Variants in PNMA6E observed in about 807,000 individuals in gnomAD.
PNMA6E encodes paraneoplastic antigen Ma6E.
For missense variants in PNMA6E, 78 were observed against 50.8 expected (o/e 1.53, Z -1.63); for synonymous variants, 43 against 17.1 (o/e 2.52, Z -3.74).
the PNMA6E span, among the ~76,000 whole-genome samples, chrX:153,410,950 C>T: frequency 8.9e-6 from 1 of 111,982 alleles, no homozygotes; most frequent in East Asian, 2.8e-4. Context: ...GTGCGATCCC[C>T]TCCGGTAACC....
the PNMA6E span, among the ~76,000 whole-genome samples, chrX:153,412,881 C>T: frequency 8.9e-6 from 1 of 112,158 alleles, no homozygotes; most frequent in Non-Finnish European, 1.9e-5. Flanking sequence ...CCTGGGTGGC[C>T]CCCTTTTGGC....
At chrX:153,400,531 T>C (rs1175681516) in intron 1 of PNMA6E, among the ~76,000 whole-genome samples, 1 of 112,004 alleles carries the variant, frequency 8.9e-6, no homozygotes, top group Non-Finnish European at 1.9e-5. Flanking sequence ...CCTCCCTCTG[T>C]GGCCTCCCCA....
Position 153,397,698 on chromosome X carries a change from G to T in PNMA6E, c.1152C>A (p.Asn384Lys). Residue 384 changes from asparagine to lysine, a missense_variant, in exon 2 of 2, where the codon AAC becomes AAA. Coordinates refer to ENST00000445091, the MANE Select transcript of PNMA6E (RefSeq NM_001367770.1). Reference protein sequence around the residue: ...VVSGLLEEDTNLSALDCLAAL... With the variant: ...VVSGLLEEDTKLSALDCLAAL... ...CCGCCAGGCAGTCCAGCGCGGACAA[G>T]TTGGTATCTTCCTCCAGGAGGCCGC... The T allele has an allele frequency of 3.3e-6, 1 of 305,320 alleles. No homozygotes were observed. Among genetic ancestry groups the T allele is most frequent in the Non-Finnish European group, 5.7e-6 (1 of 174,723 alleles). The allele number at this position is 305,320 out of a possible 1,213,427, so 25.2% of individuals were successfully genotyped here. A position where few individuals can be genotyped will look rare whatever the true frequency, so the allele number is the denominator to read the frequency against.
upstream of PNMA6E, among the ~76,000 whole-genome samples, chrX:153,401,700 A>G (rs782327126): frequency 9.0e-5 from 10 of 111,704 alleles, no homozygotes; most frequent in Non-Finnish European, 1.3e-4. Flanking sequence ...TTGCTTTCCA[A>G]TGTGCTTGGT....
intron 1 of PNMA6E, among the ~76,000 whole-genome samples, chrX:153,400,421 C>A (rs2088840961): frequency 8.9e-6 from 1 of 112,457 alleles, no homozygotes; most frequent in Non-Finnish European, 1.9e-5. Flanking sequence ...TCCCTTCCTG[C>A]CCCCAACGTG....
In PNMA6E at chrX:153,396,695, AG is replaced by A. The variant is rs1476696745; in HGVS notation, c.*210del. The A allele has an allele frequency of 1.2e-5, 3 of 258,570 alleles. No individual in the cohort carries two copies. The highest frequency in any genetic ancestry group is 8.5e-5 in the African/African-American group (3 of 35,317). 21.3% of individuals were successfully genotyped at this position (258,570 alleles called of 1,213,427 possible). ...GGGCTGGGTGTGCTGGGTGCAAGGG[AG>A]CGGGGGGGCGCCTCTCCCCACCCCA... is the stretch of plus-strand genomic sequence containing the variant. On this transcript the variant is annotated 3_prime_UTR_variant, in exon 2 of 2. Transcript: ENST00000445091.
chrX:153,396,635 A>T lies in PNMA6E; in HGVS notation c.*271T>A. 1 of 191,695 alleles carries T rather than the reference A, an allele frequency of 5.2e-6. No homozygotes were observed. Among genetic ancestry groups the T allele is most frequent in the Non-Finnish European group, 9.6e-6 (1 of 103,697 alleles). The allele number at this position is 191,695 out of a possible 1,213,427, so 15.8% of individuals were successfully genotyped here. A position where few individuals can be genotyped will look rare whatever the true frequency, so the allele number is the denominator to read the frequency against. The stretch of plus-strand genomic sequence containing the variant: ...CAGCTGCCCACTCAGGGCTCCCTCC[A>T]GGCCAGCCCCCCGTGGCGGCAGGGT... On this transcript the variant is annotated 3_prime_UTR_variant, in exon 2 of 2. Coordinates refer to ENST00000445091, the MANE Select transcript of PNMA6E (RefSeq NM_001367770.1).
the PNMA6E span, among the ~76,000 whole-genome samples, chrX:153,410,609 T>C: frequency 1.8e-5 from 2 of 112,655 alleles, no homozygotes; most frequent in African/African-American, 6.4e-5. Context: ...GGACGGCTTT[T>C]GTTCTGGGAG....
rs782130495 is a variant in PNMA6E, at chrX:153,398,698, A to C, written c.152T>G (p.Val51Gly). ...AALSPLGRYR[V>G]LTKHFRKELG... ...CTCCTTTCTGAAGTGCTTGGTGAGT[A>C]CTCGGTACCTGCCCAGGGGCGACAG... The change falls in exon 2 of 2, where the codon GTA becomes GGA. Residue 51 changes from valine to glycine, a missense_variant. Transcript: ENST00000445091. The C allele has an allele frequency of 2.0e-3, 640 of 313,241 alleles. 1 individual carries two copies. The highest frequency in any genetic ancestry group is 2.9e-3 in the Non-Finnish European group (520 of 180,551). 25.8% of individuals were successfully genotyped at this position (313,241 alleles called of 1,213,427 possible).
At chrX:153,401,517 T>C (rs1044197584), upstream of PNMA6E, 10 of 111,667 alleles carry the variant, frequency 9.0e-5, no homozygotes, top group Non-Finnish European at 1.9e-4. Context: ...GAATGCACTG[T>C]TGTTACCATG....
intron 1 of PNMA6E, among the ~76,000 whole-genome samples, chrX:153,400,619 G>A (rs1409883712): frequency 4.5e-5 from 3 of 66,993 alleles, no homozygotes; most frequent in Admixed American, 2.3e-4. Flanking sequence ...GGCACCCTCC[G>A]CTCTGGTCGG....
At position 153,396,760 on chromosome X, in the gene PNMA6E, A is replaced by G; in HGVS notation, c.*146T>C. 3.4e-6 allele frequency: 1 copy of G among 293,632 alleles called. No individual in the cohort carries two copies. The allele number at this position is 293,632 out of a possible 1,213,427, so 24.2% of individuals were successfully genotyped here. On this transcript the variant is annotated 3_prime_UTR_variant, in exon 2 of 2. Transcript: ENST00000445091. ...GTGGTCATCCGGGTCACAGGGAAGG[A>G]ATGGGGGTGGTGGCCAGAGCCCCTT...
chrX:153,402,640 C>T (rs1266916038), upstream of PNMA6E, among the ~76,000 whole-genome samples: 1 of 112,273 alleles, frequency 8.9e-6, no homozygotes, highest in Non-Finnish European at 1.9e-5. Context: ...TTTTGTTATT[C>T]ATTTCTACCC....
upstream of PNMA6E, among the ~76,000 whole-genome samples, chrX:153,404,388 G>T (rs1244616705): frequency 2.7e-5 from 3 of 111,494 alleles, no homozygotes; most frequent in Admixed American, 1.9e-4. Context: ...GTTTCTTGTA[G>T]TAATCTAGCA....
upstream of PNMA6E, among the ~76,000 whole-genome samples, chrX:153,405,131 T>C (rs2088871143): frequency 8.9e-6 from 1 of 112,452 alleles, no homozygotes; most frequent in East Asian, 2.8e-4. Context: ...CGGATGACAG[T>C]TTCGCTGTCG....
chrX:153,397,755 C>G lies in PNMA6E; in HGVS notation c.1095G>C (p.Glu365Asp), dbSNP rs1329629111. The change falls in exon 2 of 2, where the codon GAG becomes GAC. Residue 365 changes from glutamate to aspartate, a missense_variant. By Grantham distance (45) the Glu-to-Asp change is conservative (BLOSUM62 2). Coordinates refer to ENST00000445091, the MANE Select transcript of PNMA6E (RefSeq NM_001367770.1). ...SEREKKRWLL[E>D]SLGGPALEVV... ...CTTCCAGGGCCGGGCCGCCCAAGCT[C>G]TCCAGCAGCCACCTCTTCTTCTCCC... is the stretch of plus-strand genomic sequence containing the variant. 6.5e-6 allele frequency: 2 copies of G among 309,544 alleles called. No individual in the cohort carries two copies. The highest frequency in any genetic ancestry group is 3.2e-4 in the South Asian group (2 of 6,238). The allele number at this position is 309,544 out of a possible 1,213,427, so 25.5% of individuals were successfully genotyped here.
At position 153,397,166 on chromosome X, in the gene PNMA6E, C is replaced by T; in HGVS notation, c.1684G>A (p.Ala562Thr). The part of the protein sequence containing the change: ...GAPAAGEGES[A>T]PAGPEGLGQA... ...CCTAGGCCTTCGGGGCCTGCAGGGG[C>T]ACTTTCACCTTCCCCAGCGGCAGGG... Residue 562 changes from alanine (A) to threonine (T), a missense_variant, in exon 2 of 2, where the codon GCC becomes ACC. Coordinates refer to ENST00000445091, the MANE Select transcript of PNMA6E (RefSeq NM_001367770.1). 1 of 298,232 alleles carries T rather than the reference C, an allele frequency of 3.4e-6. No homozygotes were observed. The highest frequency in any genetic ancestry group is 5.9e-6 in the Non-Finnish European group (1 of 170,500). The allele number at this position is 298,232 out of a possible 1,213,427, so 24.6% of individuals were successfully genotyped here.
At chrX:153,401,938 C>T (rs1322897706), upstream of PNMA6E, among the ~76,000 whole-genome samples, 4 of 105,004 alleles carry the variant, frequency 3.8e-5, no homozygotes, top group African/African-American at 7.0e-5. Context: ...GATTCTCCTG[C>T]CTCAGCCTCC....
At chrX:153,400,466 G>A (rs1214572931) in intron 1 of PNMA6E, among the ~76,000 whole-genome samples, 30 of 111,483 alleles carry the variant, frequency 2.7e-4, no homozygotes, top group African/African-American at 9.5e-4. Flanking sequence ...AACCCAGCTG[G>A]CAGCACTCCA....
Sources: gnomAD v4.1 joint callset for allele counts (sites outside exome capture counted in the v4.1 genomes callset) on GRCh38, gnomAD v4.1.1 for gene constraint, MANE v1.5 for transcripts, NCBI Gene and HGNC (gene_info 2026-07-23, HGNC 2026-07-21) for gene names.